Variants in DGCR2 observed in about 807,000 individuals in gnomAD.
DGCR2 encodes the protein DiGeorge syndrome critical region gene 2.
Under a neutral mutation model 51.6 loss-of-function variants are expected in DGCR2, and 24 were observed. The ratio of observed to expected loss-of-function variants is 0.47; its 90% CI spans 0.34 to 0.65. The LOEUF (loss-of-function observed/expected upper bound fraction) is 0.65. Among genes scored for constraint, DGCR2 ranks in the 30% least tolerant of loss-of-function variants. DGCR2 has a pLI of 0.01. For missense variants in DGCR2, 765 were observed against 772.1 expected (o/e 0.99, Z 0.11); for synonymous variants, 340 against 315.4 (o/e 1.08, Z -0.82).
rs1393635347 is a variant in DGCR2 at position 19,089,472 on chromosome 22, C to G, written c.98G>C (p.Gly33Ala). ...GGTGCCGCTGCGACACGCAAACTGCCCAGGGTTGCACCGCAGCTCTGTGGG... is the reference window on the plus strand; with the variant it reads ...GGTGCCGCTGCGACACGCAAACTGCGCAGGGTTGCACCGCAGCTCTGTGGG... ...PLRPELRCNP[G>A]QFACRSGTIQ... The change falls in exon 2 of 10, where the codon GGG becomes GCG. Residue 33 changes from glycine (G) to alanine (A), a missense_variant. By Grantham distance (60) the Gly-to-Ala change is moderately conservative (BLOSUM62 0). Transcript: ENST00000263196. The G allele has an allele frequency of 1.9e-6, 3 of 1,597,054 alleles. No individual in the cohort carries two copies. The South Asian group carries it at 3.4e-5, about 18-fold the overall frequency.
chr22:19,063,031 G>A (rs970217552), intron 5 of DGCR2, among the ~76,000 whole-genome samples, 171 bp downstream of exon 5: 3 of 152,310 alleles, frequency 2.0e-5, no homozygotes, highest in Non-Finnish European at 4.4e-5. Context: ...GGCCTGATCT[G>A]CAGGCTGCAC....
chr22:19,112,819 C>T (rs1487361735), intron 1 of DGCR2, among the ~76,000 whole-genome samples: 1 of 143,730 alleles, frequency 7.0e-6, no homozygotes, highest in Admixed American at 7.0e-5. Context: ...AACCCAAGAA[C>T]CTTGAGTATA....
chr22:19,071,523 G>A (rs1002630396), intron 2 of DGCR2, among the ~76,000 whole-genome samples: 5 of 151,906 alleles, frequency 3.3e-5, no homozygotes, highest in Admixed American at 6.6e-5. Context: ...TGAAGAAAGA[G>A]ACAAGTCCAA....
At chr22:19,059,549 T>C (rs999316992) in intron 5 of DGCR2, among the ~76,000 whole-genome samples, 2 of 152,152 alleles carry the variant, frequency 1.3e-5, no homozygotes, top group African/African-American at 2.4e-5. Flanking sequence ...CCAGAGTGAC[T>C]GGGAGCAGTT....
At chr22:19,056,586 G>A (rs1690230994) in intron 6 of DGCR2, 2 of 368,722 alleles carry the variant, frequency 5.4e-6, no homozygotes, top group Admixed American at 4.6e-5. Flanking sequence ...CCATAGACTG[G>A]CAAGGTAAAC....
intron 4 of DGCR2, 84 bp from the exon 5 acceptor site, chr22:19,063,362 G>C (rs2082709060): frequency 1.5e-6 from 2 of 1,346,728 alleles, no homozygotes; most frequent in Non-Finnish European, 2.1e-6. Flanking sequence ...TGTTTTTTGA[G>C]ACAGAGTCTC....
chr22:19,113,859 GACCAGCCCAGCCAACATGGCAAA>G (rs2083344049), intron 1 of DGCR2, among the ~76,000 whole-genome samples: 1 of 152,098 alleles, frequency 6.6e-6, no homozygotes, highest in Admixed American at 6.5e-5. Flanking sequence ...GGGAGTTTGA[GACCAGCCCAGCCAACATGGCAAA>G]ATCCCATCTC....
chr22:19,038,635 G>A lies in DGCR2; in HGVS notation c.*230C>T, dbSNP rs2082396395. The A allele has an allele frequency of 1.7e-6, 1 of 584,322 alleles. No homozygotes were observed. 36.2% of individuals were successfully genotyped at this position (584,322 alleles called of 1,614,324 possible). A position where few individuals can be genotyped will look rare whatever the true frequency, so the allele number is the denominator to read the frequency against. On this transcript the variant is annotated 3_prime_UTR_variant, in exon 10 of 10. Transcript: ENST00000263196. ...TGCCATTTATAAAGGAGAAGACAGT[G>A]ATCCAAAGCTATGCATGTTTCTGAA...
At chr22:19,096,147 T>C (rs1443331388) in intron 1 of DGCR2, among the ~76,000 whole-genome samples, 1 of 152,104 alleles carries the variant, frequency 6.6e-6, no homozygotes. Context: ...ATTCTAGGTC[T>C]TCAGTTTTAT....
chr22:19,082,744 G>T (rs140267043), intron 2 of DGCR2, among the ~76,000 whole-genome samples: 1,723 of 145,126 alleles, frequency 0.012, 39 homozygotes, highest in African/African-American at 0.041. Context: ...GTGACAGAGC[G>T]AAACTCCATC....
chr22:19,051,328 A>G (rs1456508449), intron 6 of DGCR2, among the ~76,000 whole-genome samples: 1 of 152,166 alleles, frequency 6.6e-6, no homozygotes, highest in Non-Finnish European at 1.5e-5. Flanking sequence ...TGTTCCTGAA[A>G]GCTCACCTGA....
At chr22:19,083,895 T>A (rs548661417) in intron 2 of DGCR2, among the ~76,000 whole-genome samples, 2 of 152,036 alleles carry the variant, frequency 1.3e-5, no homozygotes, top group South Asian at 4.2e-4. Flanking sequence ...GTTTTCATAT[T>A]TTTTTTGGTG....
chr22:19,065,192 C>T (rs910521047), intron 3 of DGCR2, 125 bp from the exon 4 acceptor site: 7 of 778,754 alleles, frequency 9.0e-6, no homozygotes, highest in Non-Finnish European at 1.2e-5. Flanking sequence ...AACTGAGGCT[C>T]AAGAGGACAA....
At chr22:19,097,619 G>A (rs1008339665) in intron 1 of DGCR2, among the ~76,000 whole-genome samples, 3 of 152,174 alleles carry the variant, frequency 2.0e-5, no homozygotes, top group Non-Finnish European at 4.4e-5. Flanking sequence ...TGTTCCCAGG[G>A]CATAGCCGAC....
At chr22:19,076,765 C>G (rs1474089370) in intron 2 of DGCR2, among the ~76,000 whole-genome samples, 1 of 117,498 alleles carries the variant, frequency 8.5e-6, no homozygotes, top group Non-Finnish European at 1.6e-5. Flanking sequence ...GAGTCTCGCT[C>G]TCTCTCCCAG....
intron 5 of DGCR2, among the ~76,000 whole-genome samples, chr22:19,062,774 T>TCTCTCTCTCTCTC (rs1569052709): frequency 1.8e-5 from 2 of 113,872 alleles, no homozygotes; most frequent in Admixed American, 9.0e-5. Context: ...CACACATGCA[T>TCTCTCTCTCTCTC]GCTCACTCTC....
At chr22:19,065,550 C>T (rs1465469838) in intron 3 of DGCR2, among the ~76,000 whole-genome samples, 4 of 152,316 alleles carry the variant, frequency 2.6e-5, no homozygotes, top group South Asian at 2.1e-4. Flanking sequence ...AGGATAACAG[C>T]TGGGAGAGCC....
chr22:19,057,224 C>T lies in DGCR2; in HGVS notation c.626-62G>A. On this transcript the variant is annotated intron_variant, in intron 5 of 9. Coordinates refer to ENST00000263196, the MANE Select transcript of DGCR2 (RefSeq NM_005137.3). This position sits in a 1 kb window ranked among gnomAD's most constrained non-coding sequence, Gnocchi z 5.1. ...ACATCAGAGGACAAGCTGTGCAGTC[C>T]TCAAGGGGACCATGGCGTCAGACAG... 6.8e-7 allele frequency: 1 copy of T among 1,470,946 alleles called. No homozygotes were observed. Among genetic ancestry groups the T allele is most frequent in the Non-Finnish European group, 9.1e-7 (1 of 1,095,666 alleles). The allele number at this position is 1,470,946 out of a possible 1,614,324, so 91.1% of individuals were successfully genotyped here.
At chr22:19,067,705 T>TA (rs2082765027) in intron 3 of DGCR2, among the ~76,000 whole-genome samples, 1 of 117,026 alleles carries the variant, frequency 8.5e-6, no homozygotes, top group African/African-American at 4.6e-5. Context: ...AATAAATAAA[T>TA]AAATAAATAA....
Sources: allele counts gnomAD v4.1 joint callset (sites outside exome capture counted in the v4.1 genomes callset), GRCh38; gene constraint gnomAD v4.1.1; non-coding constraint Gnocchi (gnomAD v3.1); transcripts MANE v1.5; gene names NCBI Gene and HGNC (gene_info 2026-07-23, HGNC 2026-07-21).